TTC21B: variants seen among roughly 807,000 people sequenced by gnomAD.
The protein encoded by TTC21B is tetratricopeptide repeat domain 21B.
In TTC21B, 127 loss-of-function variants were observed where a neutral mutation model predicts 175.1. That is an observed-to-expected ratio of 0.73 (90% CI 0.63 to 0.84). The LOEUF is 0.84. Among genes scored for constraint, TTC21B ranks in the 40% least tolerant of loss-of-function variants. The pLI is 0.00. For synonymous variants in TTC21B, 524 were observed against 524.5 expected, an observed-to-expected ratio of 1.00 and a Z score of 0.01; for missense variants, 1,561 against 1,558.3, an observed-to-expected ratio of 1.00 and a Z score of -0.03.
At position 165,901,693 on chromosome 2, in the gene TTC21B, G is replaced by C. The variant is rs200391562; in HGVS notation, c.2757+29C>G. 3 of 1,585,930 alleles carry C rather than the reference G, an allele frequency of 1.9e-6. No homozygotes were observed. The Admixed American group carries it at 5.0e-5, about 26-fold the overall frequency. ...AAATTAGAAGACATCTGGAATAAAAGGTATTTAAAATTTTATAAAGGTACT... is the reference window on the plus strand; with the variant it reads ...AAATTAGAAGACATCTGGAATAAAACGTATTTAAAATTTTATAAAGGTACT... On this transcript the variant is annotated intron_variant, in intron 20 of 28. Transcript: ENST00000243344.
chr2:165,886,465 T>C (rs901787053), intron 25 of TTC21B, among the ~76,000 whole-genome samples: 1 of 152,160 alleles, frequency 6.6e-6, no homozygotes, highest in Non-Finnish European at 1.5e-5. Flanking sequence ...TAATGAATAT[T>C]CATTATATTG....
At chr2:165,913,112 C>T (rs1158602094) in intron 16 of TTC21B, among the ~76,000 whole-genome samples, 1 of 151,810 alleles carries the variant, frequency 6.6e-6, no homozygotes, top group Admixed American at 6.6e-5. Flanking sequence ...AATCTTGGCT[C>T]ACTGCAAACT....
rs544855229 is a variant in TTC21B, at chr2:165,932,006, T to A, written c.796-150A>T. The stretch of plus-strand genomic sequence containing the variant: ...CCTCCTCCTTCAATGGATGATTATA[T>A]GTTATAAAACATATTTAAGATTCTA... On this transcript the variant is annotated intron_variant, in intron 7 of 28. Coordinates refer to ENST00000243344, the MANE Select transcript of TTC21B (RefSeq NM_024753.5). The A allele has an allele frequency of 1.5e-4, 96 of 642,304 alleles. 2 individuals carry two copies. In the Middle Eastern group the frequency reaches 2.5e-3, roughly 17 times the overall value. The allele number at this position is 642,304 out of a possible 1,614,324, so 39.8% of individuals were successfully genotyped here. A position where few individuals can be genotyped will look rare whatever the true frequency, so the allele number is the denominator to read the frequency against.
At chr2:165,902,255 T>C (rs1685594607) in intron 19 of TTC21B, among the ~76,000 whole-genome samples, 1 of 152,214 alleles carries the variant, frequency 6.6e-6, no homozygotes, top group Non-Finnish European at 1.5e-5. Context: ...GATTGTTATA[T>C]TGGAAGAATA....
intron 24 of TTC21B, among the ~76,000 whole-genome samples, chr2:165,889,092 A>G (rs1685102649): frequency 6.6e-6 from 1 of 152,224 alleles, no homozygotes; most frequent in Non-Finnish European, 1.5e-5. Flanking sequence ...TGAATATTTA[A>G]TAGCAATTTT....
At chr2:165,907,534 A>G in intron 19 of TTC21B, 144 bp downstream of exon 19, 1 of 663,970 alleles carries the variant, frequency 1.5e-6, no homozygotes, top group Non-Finnish European at 2.7e-6. Context: ...TGTATAATTC[A>G]TAAGCATTCA....
chr2:165,948,479 G>A (rs1687655988), intron 3 of TTC21B: 1 of 152,152 alleles, frequency 6.6e-6, no homozygotes, highest in South Asian at 2.1e-4. Context: ...GTATGAAGGA[G>A]GTATGTCATA....
intron 4 of TTC21B, 60 bp from the exon 5 acceptor site, chr2:165,943,401 A>G: frequency 1.5e-6 from 2 of 1,321,648 alleles, no homozygotes; most frequent in Non-Finnish European, 2.1e-6. Flanking sequence ...AATGTTAATG[A>G]AAGAGCCTAA....
intron 6 of TTC21B, among the ~76,000 whole-genome samples, chr2:165,937,771 C>CCACACACCACA (rs1205195669): frequency 3.2e-4 from 41 of 127,634 alleles, no homozygotes; most frequent in African/African-American, 1.2e-3. Flanking sequence ...TATATAGAAA[C>CCACACACCACA]CACACACACA....
chr2:165,905,805 G>A (rs539607606), intron 19 of TTC21B, among the ~76,000 whole-genome samples: 2 of 152,240 alleles, frequency 1.3e-5, no homozygotes, highest in African/African-American at 4.8e-5. Flanking sequence ...CAACAAACCT[G>A]ACCTAATTGA....
chr2:165,950,934 G>C (rs371631106), intron 1 of TTC21B, among the ~76,000 whole-genome samples: 56 of 152,252 alleles, frequency 3.7e-4, no homozygotes, highest in African/African-American at 1.2e-3. Flanking sequence ...ATAGTCTCTT[G>C]CTTCTGGAGG....
intron 6 of TTC21B, 40 bp downstream of exon 6, chr2:165,940,987 C>T (rs1687344355): frequency 1.9e-6 from 3 of 1,610,392 alleles, no homozygotes; most frequent in South Asian, 1.1e-5. Context: ...AAAATTATAA[C>T]CAAATCCAAA....
chr2:165,953,722 G>C lies in TTC21B; in HGVS notation c.-17C>G. 6.5e-7 allele frequency: 1 copy of C among 1,548,136 alleles called. No individual in the cohort carries two copies. Among genetic ancestry groups the C allele is most frequent in the Non-Finnish European group, 8.7e-7 (1 of 1,146,438 alleles). On this transcript the variant is annotated 5_prime_UTR_variant, in exon 1 of 29. Coordinates refer to ENST00000243344, the MANE Select transcript of TTC21B (RefSeq NM_024753.5). The stretch of plus-strand genomic sequence containing the variant: ...CGAGTCCATGGCTGCCCCGAGGCCG[G>C]GCCGCGGGGCTCTGGGGATTGTCTC...
At chr2:165,928,002 T>C (rs1304701769) in intron 11 of TTC21B, among the ~76,000 whole-genome samples, 5 of 152,210 alleles carry the variant, frequency 3.3e-5, no homozygotes, top group Non-Finnish European at 5.9e-5. Flanking sequence ...TGTCTGTATC[T>C]GCTTACTATC....
chr2:165,939,286 T>C (rs989060889), intron 6 of TTC21B, among the ~76,000 whole-genome samples: 2 of 152,172 alleles, frequency 1.3e-5, no homozygotes, highest in South Asian at 2.1e-4. Context: ...TTGTCAGATA[T>C]GAATAAAAGT....
At chr2:165,942,250 C>T (rs773086627) in intron 5 of TTC21B, among the ~76,000 whole-genome samples, 1 of 152,110 alleles carries the variant, frequency 6.6e-6, no homozygotes, top group Non-Finnish European at 1.5e-5. Context: ...TTTATCCCTC[C>T]AAATTACTGC....
chr2:165,937,989 C>T (rs915219497), intron 6 of TTC21B, among the ~76,000 whole-genome samples: 12 of 152,098 alleles, frequency 7.9e-5, no homozygotes, highest in African/African-American at 2.6e-4. Context: ...GACAGCTTGT[C>T]GTACCAAATA....
chr2:165,881,265 A>G (rs1369833929), intron 26 of TTC21B, among the ~76,000 whole-genome samples: 2 of 152,116 alleles, frequency 1.3e-5, no homozygotes, highest in Non-Finnish European at 2.9e-5. Flanking sequence ...TGCATCTGTA[A>G]AAGAAAAAGA....
chr2:165,931,335 T>G (rs527314512), intron 8 of TTC21B, among the ~76,000 whole-genome samples: 1 of 152,118 alleles, frequency 6.6e-6, no homozygotes, highest in Non-Finnish European at 1.5e-5. Context: ...GAGCTTATAA[T>G]AAAAACATTT....
Sources: gnomAD v4.1 joint callset for allele counts (sites outside exome capture counted in the v4.1 genomes callset) on GRCh38, gnomAD v4.1.1 for gene constraint, MANE v1.5 for transcripts, NCBI Gene and HGNC (gene_info 2026-07-23, HGNC 2026-07-21) for gene names.